Variants in GSKIP observed in about 807,000 individuals in gnomAD.
GSKIP encodes the protein GSK3B interacting protein.
A neutral mutation model predicts 11.9 loss-of-function variants in GSKIP; 5 were observed. That is an observed-to-expected ratio of 0.42 (90% CI 0.22 to 0.89). The LOEUF is 0.89. GSKIP is among the 40% of genes least tolerant of loss of function. The pLI, the probability that GSKIP is intolerant of heterozygous loss-of-function variation, is 0.29. For synonymous variants in GSKIP, 70 were observed against 62.9 expected (o/e 1.11, Z -0.54); for missense variants, 150 against 166.6 (o/e 0.90, Z 0.55).
At chr14:96,382,575 TG>T in intron 3 of GSKIP, 70 bp downstream of exon 3, 2 of 1,181,730 alleles carry the variant, frequency 1.7e-6, no homozygotes, top group Non-Finnish European at 1.2e-6. Flanking sequence ...AGAGGGGTAG[TG>T]GGGAGGGGAA....
chr14:96,363,592 CGGGCGAGGGGCGGCCCCCGAGAA>C (rs1888760186), intron 1 of GSKIP, 24 bp downstream of exon 1: 3 of 152,034 alleles, frequency 2.0e-5, no homozygotes, highest in African/African-American at 4.8e-5. Context: ...GGGGTGGCTG[CGGGCGAGGGGCGGCCCCCGAGAA>C]GGGCTAGGGG....
intron 1 of GSKIP, among the ~76,000 whole-genome samples, chr14:96,374,222 T>C (rs929540982): frequency 2.0e-5 from 3 of 151,736 alleles, no homozygotes; most frequent in African/African-American, 7.3e-5. Context: ...TGAAGACATA[T>C]CAATAAACAA....
chr14:96,364,277 G>C (rs1209551914), intron 1 of GSKIP: 2 of 152,212 alleles, frequency 1.3e-5, no homozygotes, highest in African/African-American at 4.8e-5. Context: ...TAGAATCCCG[G>C]CACTGACACC....
At chr14:96,381,407 C>CA (rs1157243888) in intron 2 of GSKIP, among the ~76,000 whole-genome samples, 2 of 152,110 alleles carry the variant, frequency 1.3e-5, no homozygotes, top group African/African-American at 4.8e-5. Context: ...TAAAGTTATG[C>CA]AAAATAAATT....
At chr14:96,367,366 T>A (rs1017677906) in intron 1 of GSKIP, among the ~76,000 whole-genome samples, 1 of 152,212 alleles carries the variant, frequency 6.6e-6, no homozygotes, top group Non-Finnish European at 1.5e-5. Flanking sequence ...CCATCACATC[T>A]TCCTGGCCCC....
chr14:96,381,938 G>A (rs1373305243), intron 2 of GSKIP, among the ~76,000 whole-genome samples: 1 of 152,030 alleles, frequency 6.6e-6, no homozygotes, highest in Non-Finnish European at 1.5e-5. Context: ...ATATGTACTA[G>A]GATTGTTACT....
At chr14:96,385,312 G>A (rs1889459501) in intron 3 of GSKIP, among the ~76,000 whole-genome samples, 1 of 152,150 alleles carries the variant, frequency 6.6e-6, no homozygotes, top group Non-Finnish European at 1.5e-5. Flanking sequence ...TACATTATAA[G>A]TTGCTGAAGT....
intron 3 of GSKIP, among the ~76,000 whole-genome samples, chr14:96,384,154 ATTTG>A (rs1377748514): frequency 5.3e-5 from 8 of 152,216 alleles, no homozygotes; most frequent in African/African-American, 9.6e-5. Flanking sequence ...GTGCTCAAAT[ATTTG>A]TTTGTTTTTC....
chr14:96,385,582 A>C lies in GSKIP; in HGVS notation c.318A>C (p.Thr106=). The change falls in exon 4 of 4, where the codon ACA becomes ACC. Residue 106 remains threonine (T), a synonymous_variant. Coordinates refer to ENST00000555181, the MANE Select transcript of GSKIP (RefSeq NM_016472.5). ...ATTTACAGACTCCCTACCATGAAAC[A>C]GTCTACTCCTTGTTGGATACACTCA... ...DDHLQTPYHE[T]VYSLLDTLSP... The C allele has an allele frequency of 1.2e-6, 2 of 1,613,256 alleles. No homozygotes were observed. Among genetic ancestry groups the C allele is most frequent in the East Asian group, 2.2e-5 (1 of 44,856 alleles).
intron 1 of GSKIP, among the ~76,000 whole-genome samples, chr14:96,373,770 G>A (rs982243177): frequency 6.6e-6 from 1 of 152,116 alleles, no homozygotes; most frequent in Non-Finnish European, 1.5e-5. Context: ...GAGATTAAAC[G>A]CAGATCTTGT....
intron 3 of GSKIP, 39 bp from the exon 4 acceptor site, chr14:96,385,484 A>G (rs1470387722): frequency 2.6e-6 from 4 of 1,558,658 alleles, no homozygotes; most frequent in South Asian, 1.1e-5. Context: ...CTGTACCAAC[A>G]TGAAAACTAA....
intron 1 of GSKIP, among the ~76,000 whole-genome samples, chr14:96,373,885 T>A (rs143436063): frequency 7.0e-4 from 106 of 152,336 alleles, no homozygotes; most frequent in African/African-American, 2.5e-3. Context: ...ACCATGCGTC[T>A]AACCAAATGA....
intron 1 of GSKIP, among the ~76,000 whole-genome samples, chr14:96,370,051 A>G (rs1043672019): frequency 1.3e-5 from 2 of 152,230 alleles, no homozygotes; most frequent in African/African-American, 4.8e-5. Context: ...AGGACATGCT[A>G]AAAGGAGATT....
intron 1 of GSKIP, among the ~76,000 whole-genome samples, chr14:96,369,389 G>A (rs1363923206): frequency 6.6e-6 from 1 of 152,220 alleles, no homozygotes; most frequent in Non-Finnish European, 1.5e-5. Flanking sequence ...AGTTAGTTCA[G>A]ATAAAAGGGA....
At chr14:96,378,247 G>C (rs1889254913) in intron 1 of GSKIP, among the ~76,000 whole-genome samples, 1 of 152,068 alleles carries the variant, frequency 6.6e-6, no homozygotes, top group South Asian at 2.1e-4. Flanking sequence ...CCAACTACTT[G>C]GGAGGTTGAG....
intron 1 of GSKIP, among the ~76,000 whole-genome samples, chr14:96,369,944 A>T (rs1428925073): frequency 6.6e-6 from 1 of 152,172 alleles, no homozygotes; most frequent in Non-Finnish European, 1.5e-5. Flanking sequence ...ACTCCAACTC[A>T]TGAGAGCAGC....
rs147631027 is a variant in GSKIP at position 96,367,257 on chromosome 14, G to A, written c.-103+3689G>A. 5.4e-3 allele frequency among the ~76,000 whole-genome samples: 817 copies of A among 152,286 alleles called. 27 individuals carry two copies. In the South Asian group the frequency reaches 0.067, roughly 12 times the overall value. On this transcript the variant is annotated intron_variant, in intron 1 of 3. Transcript: ENST00000555181. ...ATCATTTTAAAGAGGAGGAATGTGT[G>A]ACTGAGAAAGATTAAAACATCTTTT...
chr14:96,385,732 T>C lies in GSKIP; in HGVS notation c.*48T>C. The C allele has an allele frequency of 6.7e-7, 1 of 1,485,316 alleles. No homozygotes were observed. Among genetic ancestry groups the C allele is most frequent in the Non-Finnish European group, 9.1e-7 (1 of 1,097,244 alleles). The allele number at this position is 1,485,316 out of a possible 1,614,324, so 92.0% of individuals were successfully genotyped here. A position where few individuals can be genotyped will look rare whatever the true frequency, so the allele number is the denominator to read the frequency against. ...GGCTGGTGCTGGTACAGAATGTTGA[T>C]ATAAAGCTTAAAATTCTTGCATATG... On this transcript the variant is annotated 3_prime_UTR_variant, in exon 4 of 4. Coordinates refer to ENST00000555181, the MANE Select transcript of GSKIP (RefSeq NM_016472.5).
At chr14:96,365,255 TTA>T (rs1181950517) in intron 1 of GSKIP, 1 of 151,832 alleles carries the variant, frequency 6.6e-6, no homozygotes, top group Non-Finnish European at 1.5e-5. Flanking sequence ...CTTGCCATTT[TTA>T]TATGAGATGG....
Sources: gnomAD v4.1 joint callset for allele counts (sites outside exome capture counted in the v4.1 genomes callset) on GRCh38, gnomAD v4.1.1 for gene constraint, MANE v1.5 for transcripts, NCBI Gene and HGNC (gene_info 2026-07-23, HGNC 2026-07-21) for gene names.